Variants in LGSN observed in about 807,000 individuals in gnomAD.
LGSN encodes lengsin.
In LGSN, 21 loss-of-function variants were observed where a neutral mutation model predicts 19.5. The ratio of observed to expected loss-of-function variants is 1.07; its 90% CI spans 0.76 to 1.55. The LOEUF (loss-of-function observed/expected upper bound fraction) is 1.55. Among genes scored for constraint, LGSN ranks in the 40% most tolerant of loss-of-function variants. The pLI, the probability that LGSN is intolerant of heterozygous loss-of-function variation, is 0.00. For synonymous variants in LGSN, 257 were observed against 215.6 expected (o/e 1.19, Z -1.68); for missense variants, 673 against 608.5 (o/e 1.11, Z -1.12).
the LGSN span, among the ~76,000 whole-genome samples, chr6:63,446,888 AAAAATAC>A: frequency 6.6e-6 from 1 of 152,148 alleles, no homozygotes. Flanking sequence ...TGTCTCTACT[AAAAATAC>A]AAAATTAGCC....
chr6:63,523,426 C>A, the LGSN span, among the ~76,000 whole-genome samples: 1 of 151,876 alleles, frequency 6.6e-6, no homozygotes, highest in East Asian at 1.9e-4. Context: ...CCCAGCTACT[C>A]GGGAGGTTTG....
chr6:63,364,709 A>G, the LGSN span, among the ~76,000 whole-genome samples: 2 of 147,364 alleles, frequency 1.4e-5, no homozygotes, highest in Non-Finnish European at 2.9e-5. Flanking sequence ...CAGCAAATGT[A>G]AAAGAACAGA....
At chr6:63,321,242 C>T (rs1769071120), upstream of LGSN, among the ~76,000 whole-genome samples, 1 of 152,140 alleles carries the variant, frequency 6.6e-6, no homozygotes, top group African/African-American at 2.4e-5. Flanking sequence ...CATTTGCTTC[C>T]ACTTTTACAA....
the LGSN span, among the ~76,000 whole-genome samples, chr6:63,457,310 G>A: frequency 2.0e-5 from 3 of 152,074 alleles, no homozygotes; most frequent in Non-Finnish European, 4.4e-5. Context: ...TTCGAGACCA[G>A]CCTGGCCAAC....
At chr6:63,403,894 T>C in the LGSN span, among the ~76,000 whole-genome samples, 2 of 152,238 alleles carry the variant, frequency 1.3e-5, no homozygotes, top group East Asian at 3.9e-4. Flanking sequence ...GGCAATGAGA[T>C]ACACGTGTTT....
At chr6:63,499,368 T>C in the LGSN span, among the ~76,000 whole-genome samples, 1 of 152,134 alleles carries the variant, frequency 6.6e-6, no homozygotes, top group Non-Finnish European at 1.5e-5. Flanking sequence ...GCAGCTGTGT[T>C]ACCTCAAATA....
the LGSN span, among the ~76,000 whole-genome samples, chr6:63,356,155 T>G: frequency 6.8e-4 from 103 of 152,192 alleles, 1 homozygote; most frequent in Non-Finnish European, 7.9e-4. Flanking sequence ...TATTTAAAAA[T>G]AAGATCACAT....
At chr6:63,318,043 ATG>A (rs139994016) in intron 1 of LGSN, among the ~76,000 whole-genome samples, 2,521 of 149,832 alleles carry the variant, frequency 0.017, 28 homozygotes, top group Non-Finnish European at 0.024. Flanking sequence ...AGAAGTAAGA[ATG>A]TGTTTTCAAT....
the LGSN span, among the ~76,000 whole-genome samples, chr6:63,394,771 G>A: frequency 2.6e-5 from 4 of 152,344 alleles, no homozygotes; most frequent in South Asian, 6.2e-4. Flanking sequence ...GGGGCCCAAT[G>A]CAGCCACTGC....
chr6:63,545,245 G>A, the LGSN span, among the ~76,000 whole-genome samples: 5 of 152,298 alleles, frequency 3.3e-5, no homozygotes, highest in African/African-American at 1.2e-4. Flanking sequence ...AGATTTTGGT[G>A]TCCTTTTCAT....
rs373663469 is a variant in LGSN at position 63,285,707 on chromosome 6, A to G, written c.210T>C (p.Ser70=). ...CTTGTCTAATGTGTTTCATTCTAGA[A>G]GAGAGTTGAGGTGGGGTCAAAATTT... ...SSQILTPPQL[S]SRMKHIRQAM... Residue 70 remains serine (S), a synonymous_variant, in exon 3 of 4, where the codon TCT becomes TCC. Coordinates refer to ENST00000370657, the MANE Select transcript of LGSN (RefSeq NM_016571.3). 17 of 1,613,956 alleles carry G rather than the reference A, an allele frequency of 1.1e-5. No individual in the cohort carries two copies. Among genetic ancestry groups the G allele is most frequent in the Non-Finnish European group, 1.4e-5 (16 of 1,179,944 alleles).
At chr6:63,485,375 T>G in the LGSN span, among the ~76,000 whole-genome samples, 1 of 152,236 alleles carries the variant, frequency 6.6e-6, no homozygotes, top group Non-Finnish European at 1.5e-5. Flanking sequence ...CTCATTCTTT[T>G]ATATGGTTGC....
chr6:63,535,253 C>G, the LGSN span, among the ~76,000 whole-genome samples: 1 of 151,864 alleles, frequency 6.6e-6, no homozygotes, highest in African/African-American at 2.4e-5. Context: ...TCACTTGAGG[C>G]CAGGAGTTTG....
chr6:63,339,999 C>T, the LGSN span, among the ~76,000 whole-genome samples: 1 of 152,036 alleles, frequency 6.6e-6, no homozygotes, highest in African/African-American at 2.4e-5. Context: ...CTTTACTTCT[C>T]CTCATTTTCT....
At chr6:63,409,597 A>T in the LGSN span, among the ~76,000 whole-genome samples, 2 of 152,326 alleles carry the variant, frequency 1.3e-5, no homozygotes, top group Non-Finnish European at 2.9e-5. Context: ...ATAATTTAAG[A>T]CAAAAATTCT....
chr6:63,291,199 A>G (rs747002826), intron 2 of LGSN, among the ~76,000 whole-genome samples: 3 of 152,194 alleles, frequency 2.0e-5, no homozygotes, highest in Non-Finnish European at 4.4e-5. Flanking sequence ...GCCCTACAGC[A>G]GTGTTTAGGG....
the LGSN span, among the ~76,000 whole-genome samples, chr6:63,490,394 G>C: frequency 2.6e-5 from 4 of 152,064 alleles, no homozygotes; most frequent in Non-Finnish European, 5.9e-5. Flanking sequence ...CCAACCTTAT[G>C]ATGACCAATC....
At chr6:63,315,772 G>T (rs937275149) in intron 1 of LGSN, among the ~76,000 whole-genome samples, 4 of 150,430 alleles carry the variant, frequency 2.7e-5, no homozygotes, top group African/African-American at 9.8e-5. Context: ...GAACATAGCA[G>T]AATTCAAATA....
chr6:63,447,086 A>G, the LGSN span, among the ~76,000 whole-genome samples: 1 of 152,202 alleles, frequency 6.6e-6, no homozygotes, highest in Non-Finnish European at 1.5e-5. Flanking sequence ...AACAAGAATC[A>G]CTTTAGCATT....
Sources: allele counts gnomAD v4.1 joint callset (sites outside exome capture counted in the v4.1 genomes callset), GRCh38; gene constraint gnomAD v4.1.1; transcripts MANE v1.5; gene names NCBI Gene and HGNC (gene_info 2026-07-23, HGNC 2026-07-21).